The following MAP2K5 variants were observed in gnomAD, a reference collection of about 807,000 sequenced individuals.
The protein encoded by MAP2K5 is dual specificity mitogen-activated protein kinase kinase 5.
In MAP2K5, 49 loss-of-function variants were observed where a neutral mutation model predicts 83.1. The observed-to-expected ratio is 0.59, with a 90% CI of 0.47 to 0.75. The LOEUF (loss-of-function observed/expected upper bound fraction) is 0.75, where lower values mean the gene tolerates loss of function less well. Among genes scored for constraint, MAP2K5 ranks in the 30% least tolerant of loss-of-function variants. The pLI, the probability that MAP2K5 is intolerant of heterozygous loss-of-function variation, is 0.00. For missense variants in MAP2K5, 457 were observed against 557.5 expected, an observed-to-expected ratio of 0.82 and a Z score of 1.82; for synonymous variants, 202 against 191.8, an observed-to-expected ratio of 1.05 and a Z score of -0.44.
chr15:67,557,631 A>G (rs920124872), intron 2 of MAP2K5, among the ~76,000 whole-genome samples: 5 of 152,218 alleles, frequency 3.3e-5, no homozygotes, highest in Admixed American at 1.3e-4. Context: ...TAAATTTGGC[A>G]TAGTATGACC....
Position 67,731,359 on chromosome 15 carries a change from A to G in MAP2K5, c.1074+3414A>G, listed in dbSNP as rs138301511. ...ACAGTCAGTGCCCTGGGAGCAACAT[A>G]AAGGTTAAAGGGCTGGGTTTTTGTT... is the stretch of plus-strand genomic sequence containing the variant. On this transcript the variant is annotated intron_variant, in intron 17 of 21. Transcript: ENST00000178640. 2.6e-3 allele frequency among the ~76,000 whole-genome samples: 392 copies of G among 152,300 alleles called. 2 individuals carry two copies. The highest frequency in any genetic ancestry group is 0.014 in the Middle Eastern group (4 of 294).
rs1443386452 is a variant in MAP2K5 at position 67,806,895 on chromosome 15, G to A, written c.*145G>A. ...TCGCCTTCACCTCTGTCAGCAGGTG[G>A]CCTTGCCTGGGGAGCCCCATGTGTG... On this transcript the variant is annotated 3_prime_UTR_variant, in exon 22 of 22. Coordinates refer to ENST00000178640, the MANE Select transcript of MAP2K5 (RefSeq NM_145160.3). The A allele has an allele frequency of 6.3e-7, 1 of 1,593,258 alleles. No homozygotes were observed.
At chr15:67,653,841 G>T (rs1284126574) in intron 11 of MAP2K5, among the ~76,000 whole-genome samples, 1 of 151,980 alleles carries the variant, frequency 6.6e-6, no homozygotes, top group Non-Finnish European at 1.5e-5. Flanking sequence ...CACGGCTTTA[G>T]TTGCATCCTA....
chr15:67,699,115 A>G (rs185405221), intron 15 of MAP2K5, among the ~76,000 whole-genome samples: 15 of 152,224 alleles, frequency 9.9e-5, no homozygotes, highest in African/African-American at 3.6e-4. Context: ...TTCTGTTTAA[A>G]TATGCTAGCT....
At position 67,738,165 on chromosome 15, in the gene MAP2K5, T is replaced by C. The variant is rs562657397; in HGVS notation, c.1075-10066T>C. On this transcript the variant is annotated intron_variant, in intron 17 of 21. Coordinates refer to ENST00000178640, the MANE Select transcript of MAP2K5 (RefSeq NM_145160.3). The surrounding 1 kb of genome is among the most constrained non-coding windows in gnomAD (Gnocchi z 4.1). ...CTGCACTTGGCCTAGAATAGTCTTA[T>C]GAGAGAAGAAGCTATTGGCCTACAG... 7.2e-5 allele frequency among the ~76,000 whole-genome samples: 11 copies of C among 152,286 alleles called. No individual in the cohort carries two copies. The South Asian group carries it at 2.3e-3, about 32-fold the overall frequency.
At chr15:67,664,840 A>G (rs1007237270) in intron 13 of MAP2K5, among the ~76,000 whole-genome samples, 195 bp downstream of exon 13, 2 of 152,158 alleles carry the variant, frequency 1.3e-5, no homozygotes. Context: ...TAAACTTGGT[A>G]GTGTGTTTTT....
intron 21 of MAP2K5, among the ~76,000 whole-genome samples, chr15:67,773,359 G>A (rs1203139668): frequency 2.0e-5 from 3 of 152,148 alleles, no homozygotes; most frequent in African/African-American, 4.8e-5. Context: ...GCAGATTGTT[G>A]ATTTGACAAT....
intron 8 of MAP2K5, among the ~76,000 whole-genome samples, chr15:67,618,352 A>G (rs987353267): frequency 1.3e-5 from 2 of 152,026 alleles, no homozygotes; most frequent in African/African-American, 4.8e-5. Flanking sequence ...TTTTCTTCTC[A>G]TCTTTCTGAC....
At chr15:67,623,959 A>G (rs1215198822) in intron 8 of MAP2K5, among the ~76,000 whole-genome samples, 1 of 151,608 alleles carries the variant, frequency 6.6e-6, no homozygotes, top group African/African-American at 2.4e-5. Context: ...ACAACTCTAT[A>G]AGGGAGAGAC....
intron 9 of MAP2K5, among the ~76,000 whole-genome samples, chr15:67,639,668 C>T (rs1449230561): frequency 6.6e-6 from 1 of 152,148 alleles, no homozygotes; most frequent in African/African-American, 2.4e-5. Context: ...AAACTAAAGA[C>T]TTTAGAGGAT....
chr15:67,656,702 G>A (rs62016200), intron 11 of MAP2K5, among the ~76,000 whole-genome samples: 18,144 of 152,050 alleles, frequency 0.12, 1,225 homozygotes, highest in African/African-American at 0.16. Context: ...GCTGACTCAT[G>A]GCTTTAGCTA....
chr15:67,784,573 G>A (rs777755864), intron 21 of MAP2K5, among the ~76,000 whole-genome samples: 8 of 152,234 alleles, frequency 5.3e-5, no homozygotes, highest in Non-Finnish European at 1.2e-4. Flanking sequence ...TCCCCAGGTG[G>A]CAGGGTGGCC....
chr15:67,794,639 A>G lies in MAP2K5; in HGVS notation c.1243-12007A>G, dbSNP rs758669570. Among the ~76,000 whole-genome samples the G allele has an allele frequency of 1.5e-3, 29 of 19,460 alleles. No individual in the cohort carries two copies. The highest frequency in any genetic ancestry group is 0.011 in the South Asian group (3 of 278). 12.8% of individuals were successfully genotyped at this position (19,460 alleles called of 152,430 possible). A position where few individuals can be genotyped will look rare whatever the true frequency, so the allele number is the denominator to read the frequency against. On this transcript the variant is annotated intron_variant, in intron 21 of 21. Coordinates refer to ENST00000178640, the MANE Select transcript of MAP2K5 (RefSeq NM_145160.3). This position sits in a 1 kb window ranked among gnomAD's most constrained non-coding sequence, Gnocchi z 4.6. ...GGGTAACTCTGGAACATCACAGCTGAAAAAAAAAAAAAAAAAAAGACGGTA... is the reference window on the plus strand; with the variant it reads ...GGGTAACTCTGGAACATCACAGCTGGAAAAAAAAAAAAAAAAAAGACGGTA...
In MAP2K5 at chr15:67,543,234, T is replaced by A; in HGVS notation, c.-102T>A. ...CCTCCATTCCCTTGTTTTCACCCTC[T>A]GTCCTCTGCCCGTCACTCCCCTTGT... On this transcript the variant is annotated 5_prime_UTR_variant, in exon 1 of 22. Coordinates refer to ENST00000178640, the MANE Select transcript of MAP2K5 (RefSeq NM_145160.3). The surrounding 1 kb of genome is among the most constrained non-coding windows in gnomAD (Gnocchi z 4.3). 2 of 1,161,022 alleles carry A rather than the reference T, an allele frequency of 1.7e-6. No homozygotes were observed. Among genetic ancestry groups the A allele is most frequent in the Non-Finnish European group, 2.5e-6 (2 of 784,722 alleles). 71.9% of individuals were successfully genotyped at this position (1,161,022 alleles called of 1,614,324 possible). A position where few individuals can be genotyped will look rare whatever the true frequency, so the allele number is the denominator to read the frequency against.
At chr15:67,596,662 G>A (rs1426180015) in intron 7 of MAP2K5, among the ~76,000 whole-genome samples, 2 of 152,152 alleles carry the variant, frequency 1.3e-5, no homozygotes, top group African/African-American at 4.8e-5. Context: ...CTCTGCCCAT[G>A]GGTTGTTGCT....
chr15:67,759,421 A>G (rs1342210235), intron 19 of MAP2K5, among the ~76,000 whole-genome samples: 2 of 151,904 alleles, frequency 1.3e-5, no homozygotes, highest in African/African-American at 4.8e-5. Context: ...TTAGCCAAGC[A>G]TGGTGGCACG....
At position 67,563,395 on chromosome 15, in the gene MAP2K5, G is replaced by A; in HGVS notation, c.252+45G>A. ...AGACTATTTTTTAAAATCTTAACGT[G>A]ATTGAGGATGCTGTTTCTTGGGCAT... On this transcript the variant is annotated intron_variant, in intron 3 of 21. Transcript: ENST00000178640. This position sits in a 1 kb window ranked among gnomAD's most constrained non-coding sequence, Gnocchi z 4.5. 1 of 1,577,862 alleles carries A rather than the reference G, an allele frequency of 6.3e-7. No individual in the cohort carries two copies. The highest frequency in any genetic ancestry group is 2.3e-5 in the East Asian group (1 of 44,042).
intron 21 of MAP2K5, among the ~76,000 whole-genome samples, chr15:67,803,029 TCTGCACA>T (rs1470074957): frequency 2.6e-5 from 4 of 152,360 alleles, no homozygotes; most frequent in Non-Finnish European, 5.9e-5. Context: ...TTGGGCAAGT[TCTGCACA>T]CTGAGTGTCA....
At chr15:67,574,644 G>A (rs1342158169) in intron 3 of MAP2K5, among the ~76,000 whole-genome samples, 2 of 150,444 alleles carry the variant, frequency 1.3e-5, no homozygotes, top group African/African-American at 2.5e-5. Context: ...CGAGGTGGGC[G>A]AATCACGAAG....
Sources: allele counts gnomAD v4.1 joint callset (sites outside exome capture counted in the v4.1 genomes callset), GRCh38; gene constraint gnomAD v4.1.1; non-coding constraint Gnocchi (gnomAD v3.1); transcripts MANE v1.5; gene names NCBI Gene and HGNC (gene_info 2026-07-23, HGNC 2026-07-21).